The following BABAM2 variants were observed in gnomAD, a reference collection of about 807,000 sequenced individuals.
BABAM2 encodes the protein BRISC and BRCA1 A complex member 2.
In BABAM2, 31 loss-of-function variants were observed where a neutral mutation model predicts 54.7. The observed-to-expected ratio is 0.57, with a 90% CI of 0.43 to 0.77. The LOEUF is 0.77. BABAM2 is among the 30% of genes least tolerant of loss of function. The pLI, the probability that BABAM2 is intolerant of heterozygous loss-of-function variation, is 0.00. For synonymous variants in BABAM2, 167 were observed against 162.9 expected, an observed-to-expected ratio of 1.03 and a Z score of -0.19; for missense variants, 364 against 455.8, an observed-to-expected ratio of 0.80 and a Z score of 1.83.
At chr2:28,097,328 G>A (rs1666714449) in intron 6 of BABAM2, among the ~76,000 whole-genome samples, 1 of 152,166 alleles carries the variant, frequency 6.6e-6, no homozygotes, top group South Asian at 2.1e-4. Context: ...TGGAAGGTGG[G>A]TGGGCATGTG....
intron 10 of BABAM2, among the ~76,000 whole-genome samples, chr2:28,264,660 C>A (rs1684823812): frequency 2.0e-5 from 3 of 152,150 alleles, no homozygotes; most frequent in African/African-American, 2.4e-5. Context: ...GGTGCTTGAA[C>A]ACTGTATTTA....
chr2:28,160,379 T>TA (rs1421547520), intron 7 of BABAM2, among the ~76,000 whole-genome samples: 2 of 152,212 alleles, frequency 1.3e-5, no homozygotes, highest in Non-Finnish European at 2.9e-5. Context: ...CTCAGACACC[T>TA]ATCCAGGTAT....
At chr2:27,914,234 A>G (rs1371029191) in intron 2 of BABAM2, among the ~76,000 whole-genome samples, 2 of 152,114 alleles carry the variant, frequency 1.3e-5, no homozygotes, top group Non-Finnish European at 2.9e-5. Context: ...ATGAGTCCCA[A>G]CACAGCTCCC....
chr2:28,034,865 A>T (rs1299880554), intron 5 of BABAM2, among the ~76,000 whole-genome samples: 1 of 152,180 alleles, frequency 6.6e-6, no homozygotes, highest in Non-Finnish European at 1.5e-5. Flanking sequence ...GGTATTTGGC[A>T]GCTTACGTAG....
chr2:28,046,834 GTGT>G (rs1677616954), intron 6 of BABAM2, among the ~76,000 whole-genome samples: 1 of 151,294 alleles, frequency 6.6e-6, no homozygotes, highest in East Asian at 1.9e-4. Context: ...CCAAGCTGGA[GTGT>G]AGTGGTGTGA....
At chr2:28,274,693 G>A (rs1685718827) in intron 10 of BABAM2, among the ~76,000 whole-genome samples, 2 of 152,184 alleles carry the variant, frequency 1.3e-5, no homozygotes, top group Non-Finnish European at 2.9e-5. Context: ...CTGGCCCGGT[G>A]TTAGGCACTA....
chr2:28,235,238 C>T (rs1056895863), intron 7 of BABAM2, among the ~76,000 whole-genome samples: 14 of 152,110 alleles, frequency 9.2e-5, no homozygotes, highest in African/African-American at 2.9e-4. Flanking sequence ...TGCAGTGTCA[C>T]GATCTCTGCT....
intron 7 of BABAM2, chr2:28,233,360 G>A (rs776141954): frequency 1.6e-5 from 7 of 440,918 alleles, no homozygotes; most frequent in South Asian, 1.2e-4. Context: ...CACAGGGTGA[G>A]TTTCCTGTTG....
chr2:28,263,834 C>G (rs984011735), intron 10 of BABAM2, among the ~76,000 whole-genome samples: 8 of 152,220 alleles, frequency 5.3e-5, no homozygotes, highest in African/African-American at 1.7e-4. Context: ...GTGGAACTTT[C>G]TCTTTGTACT....
chr2:28,325,634 G>A lies in BABAM2; in HGVS notation c.1089-12816G>A, dbSNP rs1228750720. Among the ~76,000 whole-genome samples the A allele has an allele frequency of 6.6e-6, 1 of 152,224 alleles. No homozygotes were observed. The highest frequency in any genetic ancestry group is 1.5e-5 in the Non-Finnish European group (1 of 68,038). On this transcript the variant is annotated intron_variant, in intron 11 of 11. Coordinates refer to ENST00000379624, the MANE Select transcript of BABAM2 (RefSeq NM_199191.3). This position sits in a 1 kb window ranked among gnomAD's most constrained non-coding sequence, Gnocchi z 4.3. ...TTCTGTCTGAAAGCCCAGAGAGCCA[G>A]GTGTCTGCGGTGTGATTTCAGCTGT...
At chr2:27,987,225 A>C (rs1488843155) in intron 3 of BABAM2, among the ~76,000 whole-genome samples, 2 of 152,220 alleles carry the variant, frequency 1.3e-5, no homozygotes, top group African/African-American at 2.4e-5. Flanking sequence ...AATAATGAGG[A>C]GACCTTGTGG....
At chr2:28,222,320 C>T (rs1486293200) in intron 7 of BABAM2, among the ~76,000 whole-genome samples, 2 of 152,170 alleles carry the variant, frequency 1.3e-5, no homozygotes, top group East Asian at 3.9e-4. Context: ...AGATAATCTC[C>T]TCATGTCGGG....
chr2:27,954,662 A>T (rs1324847665), intron 3 of BABAM2, among the ~76,000 whole-genome samples: 1 of 152,192 alleles, frequency 6.6e-6, no homozygotes, highest in African/African-American at 2.4e-5. Flanking sequence ...TGGAGCATGA[A>T]CTGGACTTTT....
intron 3 of BABAM2, among the ~76,000 whole-genome samples, chr2:27,936,783 C>CA (rs1668516379): frequency 6.6e-6 from 1 of 151,774 alleles, no homozygotes; most frequent in East Asian, 1.9e-4. Flanking sequence ...GAACATCACA[C>CA]TCTGGGGACT....
At chr2:28,141,627 G>A (rs1450196926) in intron 7 of BABAM2, among the ~76,000 whole-genome samples, 4 of 152,140 alleles carry the variant, frequency 2.6e-5, no homozygotes, top group Non-Finnish European at 5.9e-5. Flanking sequence ...CAAGGCTCTA[G>A]GGTATTAAAA....
chr2:27,909,809 C>T (rs973973184), intron 2 of BABAM2, among the ~76,000 whole-genome samples: 5 of 152,144 alleles, frequency 3.3e-5, no homozygotes, highest in African/African-American at 9.7e-5. Flanking sequence ...TAAAATATCA[C>T]TCATTGTTAT....
chr2:28,133,183 G>A (rs1304454640), intron 7 of BABAM2, among the ~76,000 whole-genome samples: 1 of 152,170 alleles, frequency 6.6e-6, no homozygotes, highest in Non-Finnish European at 1.5e-5. Context: ...TAATACTTGT[G>A]GTTAATTCTT....
intron 10 of BABAM2, among the ~76,000 whole-genome samples, chr2:28,277,049 C>T (rs1005342923): frequency 6.6e-6 from 1 of 152,170 alleles, no homozygotes; most frequent in Non-Finnish European, 1.5e-5. Context: ...TCCCTCGTCA[C>T]TGACACACAC....
chr2:27,976,714 TA>T (rs1671632451), intron 3 of BABAM2, among the ~76,000 whole-genome samples: 1 of 152,198 alleles, frequency 6.6e-6, no homozygotes, highest in African/African-American at 2.4e-5. Context: ...TGTATAAAGT[TA>T]AAAAATAGTT....
Sources: gnomAD v4.1 joint callset for allele counts (sites outside exome capture counted in the v4.1 genomes callset) on GRCh38, gnomAD v4.1.1 for gene constraint, Gnocchi (gnomAD v3.1) non-coding constraint, MANE v1.5 for transcripts, NCBI Gene and HGNC (gene_info 2026-07-23, HGNC 2026-07-21) for gene names.